Variants in FOXP2 observed in about 807,000 individuals in gnomAD.
FOXP2 encodes the protein forkhead box protein P2.
FOXP2 carries 12 observed loss-of-function variants against 115.8 expected under a neutral mutation model. That is an observed-to-expected ratio of 0.10 (90% CI 0.07 to 0.17). The LOEUF (loss-of-function observed/expected upper bound fraction) is 0.17, where lower values mean the gene tolerates loss of function less well. Among genes scored for constraint, FOXP2 ranks in the 10% least tolerant of loss-of-function variants. The pLI is 1.00. For missense variants in FOXP2, 629 were observed against 843.5 expected, an observed-to-expected ratio of 0.75 and a Z score of 3.15; for synonymous variants, 328 against 297.7, an observed-to-expected ratio of 1.10 and a Z score of -1.05.
At chr7:114,356,232 G>A (rs969004457) in intron 2 of FOXP2, among the ~76,000 whole-genome samples, 2 of 152,038 alleles carry the variant, frequency 1.3e-5, no homozygotes, top group African/African-American at 4.8e-5. Context: ...TCCAGTTTTT[G>A]TTAAGCAAAC....
intron 1 of FOXP2, among the ~76,000 whole-genome samples, chr7:114,186,430 CA>C (rs1362679298): frequency 6.6e-6 from 1 of 152,174 alleles, no homozygotes. Context: ...TAAAACCCAA[CA>C]GAGCAAACAG....
chr7:114,271,628 A>T (rs1405456991), intron 1 of FOXP2, among the ~76,000 whole-genome samples: 1 of 122,226 alleles, frequency 8.2e-6, no homozygotes, highest in Admixed American at 1.0e-4. Flanking sequence ...TAATTATATT[A>T]TTAATATAAT....
At chr7:114,680,357 A>G (rs1808021283) in intron 16 of FOXP2, among the ~76,000 whole-genome samples, 1 of 152,192 alleles carries the variant, frequency 6.6e-6, no homozygotes, top group Non-Finnish European at 1.5e-5. Context: ...GTTTGCAGAA[A>G]TATTCATTAT....
intron 3 of FOXP2, chr7:114,570,937 A>C: frequency 7.0e-7 from 1 of 1,421,780 alleles, no homozygotes. Flanking sequence ...CCATGGACCC[A>C]GTCCCACTAA....
chr7:114,538,247 T>A, intron 3 of FOXP2: 2 of 1,062,242 alleles, frequency 1.9e-6, no homozygotes, highest in Non-Finnish European at 2.6e-6. Flanking sequence ...CATTTTCAAT[T>A]TTCTAGCCTA....
intron 2 of FOXP2, among the ~76,000 whole-genome samples, chr7:114,381,063 TTC>T (rs1792278909): frequency 6.6e-6 from 1 of 152,222 alleles, no homozygotes; most frequent in Non-Finnish European, 1.5e-5. Context: ...GGTATTGGCT[TTC>T]TGAGTTTCTT....
intron 1 of FOXP2, among the ~76,000 whole-genome samples, chr7:114,168,555 G>T (rs1405333973): frequency 6.6e-6 from 1 of 152,128 alleles, no homozygotes; most frequent in Non-Finnish European, 1.5e-5. Flanking sequence ...GGTAACTTGG[G>T]TGCTGTTAAA....
At chr7:114,447,659 G>A (rs1250592511) in intron 2 of FOXP2, among the ~76,000 whole-genome samples, 2 of 151,940 alleles carry the variant, frequency 1.3e-5, no homozygotes, top group Admixed American at 6.6e-5. Flanking sequence ...CTCTTCATAC[G>A]TGGAATTCCT....
intron 1 of FOXP2, among the ~76,000 whole-genome samples, chr7:114,257,615 G>A (rs998016164): frequency 6.6e-6 from 1 of 150,588 alleles, no homozygotes; most frequent in South Asian, 2.1e-4. Context: ...CACCATGCCC[G>A]GCTAGTTTTT....
intron 1 of FOXP2, among the ~76,000 whole-genome samples, chr7:114,280,487 T>A (rs1198080949): frequency 1.3e-5 from 2 of 152,112 alleles, no homozygotes; most frequent in East Asian, 3.8e-4. Context: ...ATTTACATGT[T>A]TATGGTTTAT....
rs149378904 is a variant in FOXP2, at chr7:114,140,754, C to T, written c.-246-22190C>T. The stretch of plus-strand genomic sequence containing the variant: ...GAGAACAGCTTGGGTTAACTTGCAG[C>T]AGTGGCAATCAACTAAAGGTGCTGG... On this transcript the variant is annotated intron_variant, in intron 1 of 19. Coordinates refer to the FOXP2 transcript ENST00000635638. Among the ~76,000 whole-genome samples, 10 of 152,278 alleles carry T rather than the reference C, an allele frequency of 6.6e-5. No individual in the cohort carries two copies. In the East Asian group the frequency reaches 1.9e-3, roughly 29 times the overall value.
chr7:114,255,838 A>G (rs1083149), intron 1 of FOXP2, among the ~76,000 whole-genome samples: 140,383 of 152,062 alleles, frequency 0.92, 65,260 homozygotes, highest in African/African-American at 0.98. Flanking sequence ...AGATGAACCC[A>G]GTACCTCAGT....
intron 2 of FOXP2, among the ~76,000 whole-genome samples, chr7:114,292,208 T>C (rs1267391235): frequency 6.6e-6 from 1 of 151,674 alleles, no homozygotes; most frequent in Non-Finnish European, 1.5e-5. Flanking sequence ...GGCATGAACT[T>C]GGGGGCCACT....
intron 2 of FOXP2, among the ~76,000 whole-genome samples, chr7:114,323,500 T>C (rs1388824114): frequency 6.6e-6 from 1 of 151,912 alleles, no homozygotes; most frequent in Non-Finnish European, 1.5e-5. Context: ...AAAGAGTGAG[T>C]TGCTGAAAAG....
intron 2 of FOXP2, among the ~76,000 whole-genome samples, chr7:114,382,997 T>C (rs1792346171): frequency 6.6e-6 from 1 of 152,234 alleles, no homozygotes. Flanking sequence ...AATGAGGGTC[T>C]ACACTGGGAA....
chr7:114,377,227 C>A (rs532820073), intron 2 of FOXP2, among the ~76,000 whole-genome samples: 1 of 152,224 alleles, frequency 6.6e-6, no homozygotes, highest in East Asian at 1.9e-4. Context: ...GATTGGAAAA[C>A]AAATATAGAA....
chr7:114,569,975 T>C (rs950623724), intron 3 of FOXP2, among the ~76,000 whole-genome samples: 5 of 151,912 alleles, frequency 3.3e-5, no homozygotes, highest in African/African-American at 1.2e-4. Flanking sequence ...ATCTTATGAA[T>C]GGGGATCATC....
rs182303943 is a variant in FOXP2, at chr7:114,518,307, G to T, written c.169-16310G>T. 1.3e-3 allele frequency among the ~76,000 whole-genome samples: 202 copies of T among 151,630 alleles called. 2 individuals are homozygous for T. The highest frequency in any genetic ancestry group is 4.7e-3 in the African/African-American group (195 of 41,504). ...AAAATGTGTTTTAATAATATTCAAT[G>T]AAATTTATGAAATTTAAGTGTTCTT... On this transcript the variant is annotated intron_variant, in intron 2 of 16. Coordinates refer to ENST00000350908, the MANE Select transcript of FOXP2 (RefSeq NM_014491.4).
At chr7:114,116,175 G>A (rs1275914581) in intron 1 of FOXP2, among the ~76,000 whole-genome samples, 3 of 152,142 alleles carry the variant, frequency 2.0e-5, no homozygotes, top group Non-Finnish European at 2.9e-5. Context: ...GCCAACTGCA[G>A]GATAAACCTC....
Sources: gnomAD v4.1 joint callset for allele counts (sites outside exome capture counted in the v4.1 genomes callset) on GRCh38, gnomAD v4.1.1 for gene constraint, MANE v1.5 for transcripts, NCBI Gene and HGNC (gene_info 2026-07-23, HGNC 2026-07-21) for gene names.